CYYR1: variants seen among roughly 807,000 people sequenced by gnomAD.
CYYR1 encodes cysteine and tyrosine-rich protein 1.
CYYR1 carries 14 observed loss-of-function variants against 15.2 expected under a neutral mutation model. The ratio of observed to expected loss-of-function variants is 0.92; its 90% CI spans 0.61 to 1.44. CYYR1 has a LOEUF of 1.44. Among genes scored for constraint, CYYR1 ranks in the 40% most tolerant of loss-of-function variants. The pLI is 0.00. For missense variants in CYYR1, 228 were observed against 209.5 expected (o/e 1.09, Z -0.54); for synonymous variants, 80 against 77.4 (o/e 1.03, Z -0.18).
chr21:26,531,032 A>C (rs921967946), intron 2 of CYYR1, among the ~76,000 whole-genome samples: 1 of 152,180 alleles, frequency 6.6e-6, no homozygotes, highest in Non-Finnish European at 1.5e-5. Flanking sequence ...AAGAGAGAAT[A>C]ACTGTGCTGA....
rs752820529 is a variant in CYYR1 at position 26,573,151 on chromosome 21, TGGCCCGAGACGGGCTGCGCTGGG to T, written c.-234_-212del. 84 of 1,490,930 alleles carry T rather than the reference TGGCCCGAGACGGGCTGCGCTGGG, an allele frequency of 5.6e-5. No homozygotes were observed. The highest frequency in any genetic ancestry group is 2.6e-4 in the Admixed American group (12 of 46,480). The allele number at this position is 1,490,930 out of a possible 1,614,324, so 92.4% of individuals were successfully genotyped here. A position where few individuals can be genotyped will look rare whatever the true frequency, so the allele number is the denominator to read the frequency against. On this transcript the variant is annotated 5_prime_UTR_variant, in exon 1 of 4. The change creates a premature stop within an existing upstream ORF in the 5' untranslated region. Transcript: ENST00000652641. ...GGACTCCGCGGAGCTGGGGCGCCCG[TGGCCCGAGACGGGCTGCGCTGGG>T]GGCCCAGGTCTCTTTGTCTCGCCCC...
Position 26,573,017 on chromosome 21 carries a change from GAT to G in CYYR1, c.-79_-78del. On this transcript the variant is annotated 5_prime_UTR_variant, in exon 1 of 4. An upstream open reading frame in the 5' UTR gains an earlier in-frame stop. Transcript: ENST00000652641. ...GAATGGGGAGGATGGAGGGCGATCA[GAT>G]GGAGAGAGCAGCGCTCCTGAGAGCC... The G allele has an allele frequency of 6.2e-7, 1 of 1,610,112 alleles. No homozygotes were observed. Among genetic ancestry groups the G allele is most frequent in the South Asian group, 1.1e-5 (1 of 90,588 alleles).
chr21:26,542,556 T>C (rs972685328), intron 2 of CYYR1, among the ~76,000 whole-genome samples: 1 of 152,140 alleles, frequency 6.6e-6, no homozygotes, highest in African/African-American at 2.4e-5. Flanking sequence ...AGCATCATGC[T>C]TAATTGTTTT....
chr21:26,533,146 G>A (rs1266047288), intron 2 of CYYR1, among the ~76,000 whole-genome samples: 2 of 148,090 alleles, frequency 1.4e-5, no homozygotes, highest in Non-Finnish European at 3.0e-5. Flanking sequence ...TAAGAAATAT[G>A]TATTGTAGTA....
intron 2 of CYYR1, among the ~76,000 whole-genome samples, chr21:26,542,286 T>TGC (rs1555909983): frequency 8.3e-4 from 54 of 65,354 alleles, no homozygotes; most frequent in East Asian, 8.8e-4. Context: ...TATGTGTGTG[T>TGC]GTGCGTGTGT....
At chr21:26,474,428 T>TTTA (rs1555902701) in intron 3 of CYYR1, among the ~76,000 whole-genome samples, 6 of 149,082 alleles carry the variant, frequency 4.0e-5, no homozygotes, top group African/African-American at 1.5e-4. Flanking sequence ...TTTTTTTTTT[T>TTTA]AACAGAGTAG....
intron 2 of CYYR1, among the ~76,000 whole-genome samples, chr21:26,495,610 G>A (rs2065389140): frequency 1.3e-5 from 2 of 152,156 alleles, no homozygotes; most frequent in Non-Finnish European, 1.5e-5. Context: ...GTGACTGGGA[G>A]CAAAGGATCC....
intron 2 of CYYR1, among the ~76,000 whole-genome samples, chr21:26,538,378 A>G (rs930683854): frequency 8.5e-5 from 13 of 152,128 alleles, no homozygotes; most frequent in African/African-American, 3.1e-4. Flanking sequence ...TGATTTTTTA[A>G]TTGGATCTTT....
chr21:26,488,776 G>A (rs2065287222), intron 2 of CYYR1, among the ~76,000 whole-genome samples: 1 of 151,998 alleles, frequency 6.6e-6, no homozygotes, highest in Admixed American at 6.6e-5. Flanking sequence ...CTCCAAGGTG[G>A]ACCATGAAGA....
chr21:26,516,113 T>A (rs2065724115), intron 2 of CYYR1, among the ~76,000 whole-genome samples: 1 of 152,218 alleles, frequency 6.6e-6, no homozygotes. Context: ...ATGTACAGAC[T>A]AGGTTATTTG....
At chr21:26,565,328 G>A (rs1476417650) in intron 2 of CYYR1, among the ~76,000 whole-genome samples, 1 of 152,046 alleles carries the variant, frequency 6.6e-6, no homozygotes, top group African/African-American at 2.4e-5. Flanking sequence ...ATGACTTAGC[G>A]CCTAATGTTT....
chr21:26,493,943 T>TG (rs1361528141), intron 2 of CYYR1, among the ~76,000 whole-genome samples: 7 of 152,258 alleles, frequency 4.6e-5, no homozygotes, highest in Admixed American at 6.5e-5. Flanking sequence ...GTATTATCAA[T>TG]GGACTCTTAA....
intron 2 of CYYR1, among the ~76,000 whole-genome samples, chr21:26,496,496 A>G (rs2065406386): frequency 6.6e-6 from 1 of 152,250 alleles, no homozygotes; most frequent in African/African-American, 2.4e-5. Flanking sequence ...AAATGCATTT[A>G]AAATATAGGA....
At chr21:26,483,437 T>G in intron 2 of CYYR1, 1 of 976,552 alleles carries the variant, frequency 1.0e-6, no homozygotes, top group Non-Finnish European at 1.2e-6. Flanking sequence ...AAGCTTGAAG[T>G]AGCTACTTGG....
At chr21:26,537,770 C>A (rs1288505945) in intron 2 of CYYR1, among the ~76,000 whole-genome samples, 1 of 151,958 alleles carries the variant, frequency 6.6e-6, no homozygotes, top group African/African-American at 2.4e-5. Context: ...ATACGTTGAC[C>A]CCTAATCACC....
intron 2 of CYYR1, among the ~76,000 whole-genome samples, chr21:26,517,567 T>C (rs1210083839): frequency 6.6e-6 from 1 of 152,188 alleles, no homozygotes; most frequent in Non-Finnish European, 1.5e-5. Context: ...CAGACAGTTC[T>C]TTTTTGGAGA....
At chr21:26,571,002 C>A (rs531309673) in intron 1 of CYYR1, among the ~76,000 whole-genome samples, 11 of 152,284 alleles carry the variant, frequency 7.2e-5, no homozygotes, top group African/African-American at 2.6e-4. Flanking sequence ...TAGACATTGT[C>A]CTCATGAAGC....
intron 2 of CYYR1, among the ~76,000 whole-genome samples, chr21:26,508,999 A>G (rs935861570): frequency 1.3e-5 from 2 of 152,212 alleles, no homozygotes; most frequent in Admixed American, 6.5e-5. Context: ...TAACTGTTCA[A>G]TGCCATAAAT....
intron 1 of CYYR1, chr21:26,568,691 T>C (rs1211224387): frequency 2.6e-5 from 4 of 152,114 alleles, no homozygotes; most frequent in Non-Finnish European, 5.9e-5. Flanking sequence ...GGAGAAAATA[T>C]GTGTAAGCTA....
Sources: allele counts gnomAD v4.1 joint callset (sites outside exome capture counted in the v4.1 genomes callset), GRCh38; gene constraint gnomAD v4.1.1; transcripts MANE v1.5; gene names NCBI Gene and HGNC (gene_info 2026-07-23, HGNC 2026-07-21).